MSH3: variants seen among roughly 807,000 people sequenced by gnomAD.
MSH3 encodes the protein DNA mismatch repair protein Msh3.
Under a neutral mutation model 123.3 loss-of-function variants are expected in MSH3, and 106 were observed. That is an observed-to-expected ratio of 0.86 (90% CI 0.73 to 1.01). The LOEUF (loss-of-function observed/expected upper bound fraction) is 1.01. Ranked by LOEUF, MSH3 falls within the 50% of genes least tolerant of loss-of-function variation. The probability of loss-of-function intolerance (pLI) is 0.00; values close to 1 mark genes in which losing one functional copy is unlikely to be tolerated. For synonymous variants in MSH3, 515 were observed against 481.4 expected, an observed-to-expected ratio of 1.07 and a Z score of -0.91; for missense variants, 1,459 against 1,347.6, an observed-to-expected ratio of 1.08 and a Z score of -1.29.
At chr5:80,761,525 G>A in intron 12 of MSH3, 21 bp from the exon 13 acceptor site, 1 of 1,613,630 alleles carries the variant, frequency 6.2e-7, no homozygotes, top group South Asian at 1.1e-5. Flanking sequence ...TCTGATTATT[G>A]CTATTACTCT....
intron 22 of MSH3, among the ~76,000 whole-genome samples, chr5:80,867,512 A>AGATGAAT (rs1281767409): frequency 1.3e-5 from 2 of 152,206 alleles, no homozygotes; most frequent in East Asian, 3.9e-4. Context: ...TGATGGGCCT[A>AGATGAAT]GATGAATCAG....
In MSH3 at chr5:80,813,703, A is replaced by G. The variant is rs540727191; in HGVS notation, c.2775A>G (p.Glu925=). 11 of 1,614,220 alleles carry G rather than the reference A, an allele frequency of 6.8e-6. No individual in the cohort carries two copies. The South Asian group carries it at 1.2e-4, about 18-fold the overall frequency. The change falls in exon 20 of 24, where the codon GAA becomes GAG. Residue 925 remains glutamate (E), a synonymous_variant. Transcript: ENST00000265081. The part of the protein sequence containing the change: ...MAQIGSYVPA[E]EATIGIVDGI... ...AGATTGGCTCCTATGTTCCTGCAGAAGAAGCGACAATTGGGATTGTGGATG... is the reference window on the plus strand; with the variant it reads ...AGATTGGCTCCTATGTTCCTGCAGAGGAAGCGACAATTGGGATTGTGGATG...
In MSH3 at chr5:80,725,611, T is replaced by G; in HGVS notation, c.1453+46T>G. ...TCCTCAAGTTGAACTGATTTGAAAT[T>G]TGGATAAAGGTATTAGTATGATTCT... On this transcript the variant is annotated intron_variant, in intron 9 of 23. Coordinates refer to ENST00000265081, the MANE Select transcript of MSH3 (RefSeq NM_002439.5). 4 of 1,321,246 alleles carry G rather than the reference T, an allele frequency of 3.0e-6. No individual in the cohort carries two copies. In the South Asian group the frequency reaches 4.7e-5, roughly 16 times the overall value. The allele number at this position is 1,321,246 out of a possible 1,614,324, so 81.8% of individuals were successfully genotyped here. A position where few individuals can be genotyped will look rare whatever the true frequency, so the allele number is the denominator to read the frequency against.
chr5:80,756,117 A>G (rs1352591739), intron 12 of MSH3, among the ~76,000 whole-genome samples: 1 of 152,184 alleles, frequency 6.6e-6, no homozygotes, highest in Non-Finnish European at 1.5e-5. Context: ...AAACACAGAC[A>G]ATTCTTTAAG....
chr5:80,659,557 CGTGTT>C (rs1749381287), intron 2 of MSH3, among the ~76,000 whole-genome samples: 1 of 152,138 alleles, frequency 6.6e-6, no homozygotes, highest in Admixed American at 6.5e-5. Flanking sequence ...AAGGCTCATC[CGTGTT>C]GTAGCATGTA....
At chr5:80,724,362 A>C (rs1470052474) in intron 8 of MSH3, among the ~76,000 whole-genome samples, 1 of 106,328 alleles carries the variant, frequency 9.4e-6, no homozygotes, top group Non-Finnish European at 1.9e-5. Flanking sequence ...AAATCATCTC[A>C]GTTTTATAAT....
chr5:80,768,902 G>A lies in MSH3; in HGVS notation c.2152G>A (p.Glu718Lys). 6.2e-7 allele frequency: 1 copy of A among 1,611,998 alleles called. No individual in the cohort carries two copies. The highest frequency in any genetic ancestry group is 1.3e-5 in the African/African-American group (1 of 74,972). ...CCCTTTAATAAAAAAGAGGAAGGAT[G>A]AAATTCAAGGTGTTATTGACGAGAT... is the stretch of plus-strand genomic sequence containing the variant. ...DFPLIKKRKD[E>K]IQGVIDEIRM... Residue 718 changes from glutamate to lysine, a missense_variant, in exon 15 of 24, where the codon GAA becomes AAA. Coordinates refer to ENST00000265081, the MANE Select transcript of MSH3 (RefSeq NM_002439.5).
chr5:80,702,745 C>T (rs1288602110), intron 8 of MSH3, among the ~76,000 whole-genome samples: 11 of 151,552 alleles, frequency 7.3e-5, no homozygotes, highest in Middle Eastern at 3.4e-3. Context: ...GGTGCAGTGG[C>T]TCACGCCTGT....
intron 12 of MSH3, among the ~76,000 whole-genome samples, chr5:80,746,131 AAAG>A (rs1743714706): frequency 6.6e-6 from 1 of 152,210 alleles, no homozygotes; most frequent in South Asian, 2.1e-4. Flanking sequence ...AGCAAAGAAA[AAAG>A]AAACTTGATC....
At chr5:80,744,443 GAAAT>G (rs1743677577) in intron 11 of MSH3, 59 bp from the exon 12 acceptor site, 1 of 1,193,986 alleles carries the variant, frequency 8.4e-7, no homozygotes, top group Admixed American at 1.9e-5. Context: ...CGGGGTATAT[GAAAT>G]AACAATTTGG....
At chr5:80,688,903 A>G (rs1290745489) in intron 8 of MSH3, among the ~76,000 whole-genome samples, 2 of 152,184 alleles carry the variant, frequency 1.3e-5, no homozygotes, top group Non-Finnish European at 2.9e-5. Flanking sequence ...TCAAAGTTTA[A>G]TAAGCTCAAT....
chr5:80,657,600 A>G (rs1369520058), intron 2 of MSH3, among the ~76,000 whole-genome samples: 1 of 152,176 alleles, frequency 6.6e-6, no homozygotes, highest in Non-Finnish European at 1.5e-5. Context: ...AAGGGAAGAC[A>G]GGAAATCCAT....
intron 2 of MSH3, 142 bp downstream of exon 2, chr5:80,656,673 C>A (rs1189202845): frequency 5.5e-6 from 6 of 1,086,144 alleles, no homozygotes; most frequent in Non-Finnish European, 8.1e-6. Context: ...GAGTGGCCCC[C>A]TATAGGTGAT....
chr5:80,716,873 C>G (rs944450631), intron 8 of MSH3, among the ~76,000 whole-genome samples: 1 of 152,164 alleles, frequency 6.6e-6, no homozygotes, highest in Non-Finnish European at 1.5e-5. Context: ...TTCTCATTAC[C>G]TCCCTCCCCA....
chr5:80,663,261 G>T (rs571109561), intron 2 of MSH3, among the ~76,000 whole-genome samples: 1 of 152,200 alleles, frequency 6.6e-6, no homozygotes, highest in Non-Finnish European at 1.5e-5. Context: ...ATTAGTGAAT[G>T]ACTGCAATGG....
intron 8 of MSH3, 70 bp from the exon 9 acceptor site, chr5:80,725,383 C>T: frequency 9.7e-7 from 1 of 1,029,964 alleles, no homozygotes; most frequent in Non-Finnish European, 1.5e-6. Context: ...CCTCTTCTGG[C>T]CAAGACCTAA....
chr5:80,672,162 TAATTTTTA>T, intron 4 of MSH3, 74 bp from the exon 5 acceptor site: 2 of 989,866 alleles, frequency 2.0e-6, no homozygotes, highest in Non-Finnish European at 3.2e-6. Flanking sequence ...ATACCTTGAT[TAATTTTTA>T]ATAAAGTGAA....
chr5:80,789,495 T>G (rs1205126815), intron 18 of MSH3, among the ~76,000 whole-genome samples: 2 of 151,768 alleles, frequency 1.3e-5, no homozygotes, highest in Non-Finnish European at 2.9e-5. Context: ...CTCAGCCCCC[T>G]GAGTAGCTGA....
Position 80,654,889 on chromosome 5 carries a change from T to TGCAGCGGCCGCAGCGGCCGCAGCGCCC in MSH3, c.163_189dup (p.Ala55_Pro63dup). 1 of 825,138 alleles carries TGCAGCGGCCGCAGCGGCCGCAGCGCCC rather than the reference T, an allele frequency of 1.2e-6. No individual in the cohort carries two copies. Among genetic ancestry groups the TGCAGCGGCCGCAGCGGCCGCAGCGCCC allele is most frequent in the Non-Finnish European group, 1.7e-6 (1 of 601,364 alleles). 51.1% of individuals were successfully genotyped at this position (825,138 alleles called of 1,614,324 possible). A position where few individuals can be genotyped will look rare whatever the true frequency, so the allele number is the denominator to read the frequency against. On this transcript the variant is annotated inframe_insertion, in exon 1 of 24. Coordinates refer to ENST00000265081, the MANE Select transcript of MSH3 (RefSeq NM_002439.5). ...AGGTGGACCCTGGCGCTGCAGCGGCTGCAGCGGCCGCAGCGGCCGCAGCGC... is the reference window on the plus strand; with the variant it reads ...AGGTGGACCCTGGCGCTGCAGCGGCTGCAGCGGCCGCAGCGGCCGCAGCGCCCGCAGCGGCCGCAGCGGCCGCAGCGC...
Sources: allele counts gnomAD v4.1 joint callset (sites outside exome capture counted in the v4.1 genomes callset), GRCh38; gene constraint gnomAD v4.1.1; transcripts MANE v1.5; gene names NCBI Gene and HGNC (gene_info 2026-07-23, HGNC 2026-07-21).